CPQ: variants seen among roughly 807,000 people sequenced by gnomAD.
CPQ encodes the protein Ser-Met dipeptidase.
CPQ carries 37 observed loss-of-function variants against 45.7 expected under a neutral mutation model. The ratio of observed to expected loss-of-function variants is 0.81; its 90% confidence interval spans 0.62 to 1.07. The LOEUF (loss-of-function observed/expected upper bound fraction) is 1.07, where lower values mean the gene tolerates loss of function less well. Ranked by LOEUF, CPQ falls within the 50% of genes least tolerant of loss-of-function variation. CPQ has a pLI of 0.00. For missense variants in CPQ, 537 were observed against 572.9 expected (o/e 0.94, Z 0.64); for synonymous variants, 186 against 205.8 (o/e 0.90, Z 0.82).
At chr8:97,057,607 T>G (rs908335196) in intron 6 of CPQ, among the ~76,000 whole-genome samples, 4 of 152,200 alleles carry the variant, frequency 2.6e-5, no homozygotes, top group African/African-American at 9.6e-5. Flanking sequence ...TTGTGACTTT[T>G]CCTTTGCCTT....
intron 5 of CPQ, among the ~76,000 whole-genome samples, chr8:96,983,430 G>A (rs16895170): frequency 0.019 from 2,926 of 152,226 alleles, 119 homozygotes; most frequent in African/African-American, 0.066. Flanking sequence ...TTGCATATGA[G>A]TTGTAGTGTG....
rs142382474 is a variant in CPQ, at chr8:96,897,244, T to C, written c.849+17239T>C. ...GATTAACTAATTTTGAAAGATAATT[T>C]ATTTTGAACTTGAGTAGGGGCTAGG... On this transcript the variant is annotated intron_variant, in intron 4 of 7. Transcript: ENST00000220763. 3.1e-3 allele frequency among the ~76,000 whole-genome samples: 472 copies of C among 152,330 alleles called. 2 individuals are homozygous for C. The highest frequency in any genetic ancestry group is 4.5e-3 in the Non-Finnish European group (306 of 68,026).
chr8:97,014,671 A>C (rs1017572770), intron 5 of CPQ, among the ~76,000 whole-genome samples: 100 of 151,746 alleles, frequency 6.6e-4, no homozygotes, highest in African/African-American at 2.4e-3. Context: ...GATTAGTACT[A>C]CCCCAAATGT....
chr8:96,965,119 T>C (rs1350454073), intron 4 of CPQ, among the ~76,000 whole-genome samples: 1 of 152,140 alleles, frequency 6.6e-6, no homozygotes, highest in Non-Finnish European at 1.5e-5. Flanking sequence ...TCCTGTTCAA[T>C]TGGATCTAGT....
chr8:97,121,237 A>G (rs2130606963), intron 7 of CPQ, among the ~76,000 whole-genome samples: 1 of 152,376 alleles, frequency 6.6e-6, no homozygotes, highest in South Asian at 2.1e-4. Context: ...TCAGGCCATT[A>G]GAGAAAAACT....
intron 2 of CPQ, among the ~76,000 whole-genome samples, chr8:96,807,899 A>G (rs1490435759): frequency 6.6e-6 from 1 of 152,182 alleles, no homozygotes; most frequent in Non-Finnish European, 1.5e-5. Context: ...TTCCCACTTC[A>G]GTTTGTCAAA....
At chr8:97,100,881 G>A (rs1473894168) in intron 7 of CPQ, among the ~76,000 whole-genome samples, 2 of 152,040 alleles carry the variant, frequency 1.3e-5, no homozygotes, top group East Asian at 1.9e-4. Flanking sequence ...TTTCAAAATA[G>A]TACAAGGGAA....
At chr8:97,090,575 G>GGAAT (rs1231252750) in intron 7 of CPQ, among the ~76,000 whole-genome samples, 18 of 152,046 alleles carry the variant, frequency 1.2e-4, no homozygotes, top group African/African-American at 4.1e-4. Context: ...CTCTCTAACT[G>GGAAT]GTGTCCTTGG....
intron 3 of CPQ, among the ~76,000 whole-genome samples, chr8:96,838,157 G>A (rs758415009): frequency 6.6e-6 from 1 of 152,122 alleles, no homozygotes; most frequent in African/African-American, 2.4e-5. Flanking sequence ...ACATCGTTCT[G>A]TGCATGCTCT....
intron 1 of CPQ, among the ~76,000 whole-genome samples, chr8:96,751,212 A>G (rs992530425): frequency 3.9e-5 from 6 of 152,178 alleles, no homozygotes; most frequent in African/African-American, 1.4e-4. Flanking sequence ...GAATTTCCAC[A>G]CTGTCTTCCA....
intron 7 of CPQ, among the ~76,000 whole-genome samples, chr8:97,090,731 C>T (rs1210318280): frequency 2.6e-5 from 4 of 152,120 alleles, no homozygotes; most frequent in East Asian, 1.9e-4. Flanking sequence ...GTGTGAGTGC[C>T]TCTGTGTAAG....
intron 3 of CPQ, among the ~76,000 whole-genome samples, chr8:96,871,114 G>C (rs1163831299): frequency 6.6e-6 from 1 of 151,898 alleles, no homozygotes; most frequent in Non-Finnish European, 1.5e-5. Flanking sequence ...TGGTGCCAGC[G>C]ATCTTCAGAA....
In CPQ at chr8:96,785,250, A is replaced by T. The variant is rs907534090; in HGVS notation, c.353A>T (p.Glu118Val). 3.1e-6 allele frequency: 5 copies of T among 1,613,500 alleles called. No homozygotes were observed. In the African/African-American group the frequency reaches 5.3e-5, roughly 17 times the overall value. The change falls in exon 2 of 8, where the codon GAA (glutamate) becomes GTA (valine). Residue 118 changes from glutamate to valine, a missense_variant. Transcript: ENST00000220763. ...VRIPHWERGE[E>V]SAVMLEPRIH... ...ATACCCCACTGGGAGAGGGGAGAAG[A>T]ATCAGCTGTGATGCTGGAGCCAAGA...
chr8:97,042,098 G>C (rs1268514621), intron 6 of CPQ, among the ~76,000 whole-genome samples: 1 of 152,226 alleles, frequency 6.6e-6, no homozygotes, highest in African/African-American at 2.4e-5. Context: ...GAATTCAGCT[G>C]TGAATCCATC....
intron 4 of CPQ, among the ~76,000 whole-genome samples, chr8:96,914,515 T>C (rs779257528): frequency 8.5e-5 from 13 of 152,206 alleles, no homozygotes; most frequent in Non-Finnish European, 1.8e-4. Context: ...AATTGACTTG[T>C]GTCCACAAAT....
chr8:96,933,676 C>T (rs2130920279), intron 4 of CPQ, among the ~76,000 whole-genome samples: 1 of 152,250 alleles, frequency 6.6e-6, no homozygotes, highest in South Asian at 2.1e-4. Flanking sequence ...GTGACCTTAT[C>T]TGTAAAATGA....
intron 4 of CPQ, among the ~76,000 whole-genome samples, chr8:96,917,579 G>C (rs778589262): frequency 1.6e-4 from 25 of 152,096 alleles, no homozygotes; most frequent in Non-Finnish European, 2.2e-4. Context: ...TTTTAGTGGA[G>C]AATGGCATTA....
chr8:96,980,099 T>C (rs1338398370), intron 5 of CPQ, among the ~76,000 whole-genome samples: 2 of 152,122 alleles, frequency 1.3e-5, no homozygotes, highest in African/African-American at 4.8e-5. Context: ...TATCTAGTAG[T>C]TGTATTTTCC....
chr8:96,891,153 G>A (rs1812369242), intron 4 of CPQ, among the ~76,000 whole-genome samples: 1 of 152,232 alleles, frequency 6.6e-6, no homozygotes, highest in Non-Finnish European at 1.5e-5. Flanking sequence ...TAGAGTGAGT[G>A]TCTTGGTCAG....
Sources: allele counts gnomAD v4.1 joint callset (sites outside exome capture counted in the v4.1 genomes callset), GRCh38; gene constraint gnomAD v4.1.1; transcripts MANE v1.5; gene names NCBI Gene and HGNC (gene_info 2026-07-23, HGNC 2026-07-21).